DNER: variants seen among roughly 807,000 people sequenced by gnomAD.
DNER encodes the protein delta/notch like EGF repeat containing.
In DNER, 33 loss-of-function variants were observed where a neutral mutation model predicts 78.2. The observed-to-expected ratio is 0.42, with a 90% CI of 0.32 to 0.56. The LOEUF is 0.56. DNER is among the 20% of genes least tolerant of loss of function. The pLI, the probability that DNER is intolerant of heterozygous loss-of-function variation, is 0.11. For synonymous variants in DNER, 417 were observed against 384.8 expected (o/e 1.08, Z -0.98); for missense variants, 918 against 975.3 (o/e 0.94, Z 0.78).
At chr2:229,653,818 C>T (rs888829066) in intron 1 of DNER, among the ~76,000 whole-genome samples, 1 of 152,110 alleles carries the variant, frequency 6.6e-6, no homozygotes, top group Non-Finnish European at 1.5e-5. Flanking sequence ...ATCTGATTAC[C>T]CTAAAAGGAA....
At chr2:229,390,780 T>G (rs2106337167) in intron 10 of DNER, among the ~76,000 whole-genome samples, 1 of 152,382 alleles carries the variant, frequency 6.6e-6, no homozygotes, top group East Asian at 1.9e-4. Context: ...CAGCTATTTC[T>G]GCAACATATG....
At chr2:229,635,160 C>A (rs1453141158) in intron 1 of DNER, among the ~76,000 whole-genome samples, 1 of 152,130 alleles carries the variant, frequency 6.6e-6, no homozygotes, top group Non-Finnish European at 1.5e-5. Context: ...CCCTTCCCCT[C>A]TCCCCATGCC....
Position 229,714,283 on chromosome 2 carries a change from C to G in DNER, c.141G>C (p.Pro47=), listed in dbSNP as rs1407711348. 10 of 1,365,498 alleles carry G rather than the reference C, an allele frequency of 7.3e-6. No individual in the cohort carries two copies. The highest frequency in any genetic ancestry group is 2.7e-4 in the Middle Eastern group (1 of 3,730). The allele number at this position is 1,365,498 out of a possible 1,614,324, so 84.6% of individuals were successfully genotyped here. A position where few individuals can be genotyped will look rare whatever the true frequency, so the allele number is the denominator to read the frequency against. ...VPAAPLSAPG[P]CAAQPCRNGG... Reference sequence around the variant, plus strand: ...CATTCCGGCAGGGCTGCGCGGCGCACGGCCCGGGCGCAGACAGGGGCGCGG... The same window carrying G: ...CATTCCGGCAGGGCTGCGCGGCGCAGGGCCCGGGCGCAGACAGGGGCGCGG... The change falls in exon 1 of 13, where the codon CCG becomes CCC. Residue 47 remains proline, a synonymous_variant. Coordinates refer to ENST00000341772, the MANE Select transcript of DNER (RefSeq NM_139072.4).
chr2:229,666,666 T>C (rs1699097529), intron 1 of DNER, among the ~76,000 whole-genome samples: 1 of 152,202 alleles, frequency 6.6e-6, no homozygotes, highest in Non-Finnish European at 1.5e-5. Flanking sequence ...ATGGAGGATA[T>C]CCTTAACAGC....
At chr2:229,384,707 C>T (rs868732114) in intron 11 of DNER, among the ~76,000 whole-genome samples, 1 of 152,184 alleles carries the variant, frequency 6.6e-6, no homozygotes, top group South Asian at 2.1e-4. Context: ...CAAGACTAAA[C>T]CAGAAACAAG....
At chr2:229,537,754 T>TA (rs1696435914) in intron 5 of DNER, among the ~76,000 whole-genome samples, 1 of 151,704 alleles carries the variant, frequency 6.6e-6, no homozygotes, top group African/African-American at 2.4e-5. Flanking sequence ...TTTTTTTCTT[T>TA]TTTATTATTA....
rs1280991511 is a variant in DNER, at chr2:229,585,899, A to T, written c.806T>A (p.Leu269His). 6.2e-7 allele frequency: 1 copy of T among 1,613,976 alleles called. No individual in the cohort carries two copies. The highest frequency in any genetic ancestry group is 8.5e-7 in the Non-Finnish European group (1 of 1,180,008). The change falls in exon 4 of 13, where the codon CTC becomes CAC. Residue 269 changes from leucine to histidine, a missense_variant. Coordinates refer to ENST00000341772, the MANE Select transcript of DNER (RefSeq NM_139072.4). Reference protein sequence around the residue: ...TPLQASGGLVLLEEMLALGNN... With the variant: ...TPLQASGGLVHLEEMLALGNN... ...CCCCAAGGCGAGCATCTCCTCCAGG[A>T]GGACCAGTCCCCCTGAAGCCTGAAG...
Position 229,512,944 on chromosome 2 carries a change from A to G in DNER, c.994-8T>C. ...GGTACAGGAAAAAGTTGCCTAAAAC[A>G]CAAAAAAAGCACAGTGTCTATTACC... On this transcript the variant is annotated splice_polypyrimidine_tract_variant and splice_region_variant and intron_variant, in intron 5 of 12. Coordinates refer to ENST00000341772, the MANE Select transcript of DNER (RefSeq NM_139072.4). 1.9e-6 allele frequency: 3 copies of G among 1,613,256 alleles called. No individual in the cohort carries two copies. The highest frequency in any genetic ancestry group is 1.1e-5 in the South Asian group (1 of 91,036).
chr2:229,601,998 C>T (rs1302516537), intron 1 of DNER, among the ~76,000 whole-genome samples: 8 of 144,784 alleles, frequency 5.5e-5, no homozygotes, highest in African/African-American at 1.0e-4. Flanking sequence ...AAATGAAATG[C>T]TTTTTTTTTT....
chr2:229,438,171 G>A (rs1001845364), intron 8 of DNER, among the ~76,000 whole-genome samples: 1 of 152,184 alleles, frequency 6.6e-6, no homozygotes, highest in Admixed American at 6.5e-5. Context: ...ACCTAGATGC[G>A]GTTCAATACC....
At chr2:229,668,182 G>C (rs1176638565) in intron 1 of DNER, among the ~76,000 whole-genome samples, 2 of 152,012 alleles carry the variant, frequency 1.3e-5, no homozygotes, top group African/African-American at 4.8e-5. Context: ...TCACCTAGGG[G>C]AGATGTTACC....
intron 5 of DNER, among the ~76,000 whole-genome samples, chr2:229,546,506 CG>C (rs1696628846): frequency 6.6e-6 from 1 of 152,180 alleles, no homozygotes; most frequent in South Asian, 2.1e-4. Flanking sequence ...GAGGCCAAGG[CG>C]GGGGGATGGC....
At chr2:229,362,467 A>G (rs1447976095) in intron 12 of DNER, among the ~76,000 whole-genome samples, 1 of 152,202 alleles carries the variant, frequency 6.6e-6, no homozygotes, top group Non-Finnish European at 1.5e-5. Flanking sequence ...ATTGAAAGGC[A>G]TCACCTTCAA....
At chr2:229,620,568 G>A (rs1173615992) in intron 1 of DNER, among the ~76,000 whole-genome samples, 4 of 152,190 alleles carry the variant, frequency 2.6e-5, no homozygotes, top group Admixed American at 6.5e-5. Context: ...TGGGGTGCTC[G>A]GTAGCTCCTG....
chr2:229,584,705 T>A lies in DNER; in HGVS notation c.847+1153A>T, dbSNP rs192035946. On this transcript the variant is annotated intron_variant, in intron 4 of 12. Transcript: ENST00000341772. ...CAGCATTTTGGGAGGCCGAGGCGGG[T>A]GGATCACGAGGTCAGGAGATCAAGA... Among the ~76,000 whole-genome samples the A allele has an allele frequency of 2.6e-4, 40 of 151,500 alleles. No individual in the cohort carries two copies. In the East Asian group the frequency reaches 7.8e-3, roughly 29 times the overall value.
chr2:229,500,849 C>G (rs144761914), intron 6 of DNER, among the ~76,000 whole-genome samples: 189 of 152,204 alleles, frequency 1.2e-3, no homozygotes, highest in African/African-American at 4.3e-3. Context: ...TCTCACCCCC[C>G]TCCCGCCCTT....
intron 10 of DNER, among the ~76,000 whole-genome samples, chr2:229,397,575 A>G (rs980624755): frequency 6.6e-6 from 1 of 152,202 alleles, no homozygotes; most frequent in South Asian, 2.1e-4. Context: ...AACAGAATGC[A>G]CAATCTTTTC....
intron 1 of DNER, among the ~76,000 whole-genome samples, chr2:229,649,935 C>T (rs1219808398): frequency 2.0e-5 from 3 of 151,846 alleles, no homozygotes; most frequent in Non-Finnish European, 2.9e-5. Flanking sequence ...ATTAGCCGGG[C>T]GTGGTGGCAG....
intron 6 of DNER, among the ~76,000 whole-genome samples, chr2:229,503,348 A>G (rs1559150564): frequency 6.6e-6 from 1 of 152,226 alleles, no homozygotes; most frequent in Non-Finnish European, 1.5e-5. Context: ...CATTGTTACC[A>G]GCAGTCTGGA....
Sources: gnomAD v4.1 joint callset for allele counts (sites outside exome capture counted in the v4.1 genomes callset) on GRCh38, gnomAD v4.1.1 for gene constraint, MANE v1.5 for transcripts, NCBI Gene and HGNC (gene_info 2026-07-23, HGNC 2026-07-21) for gene names.